The following CCSER1 variants were observed in gnomAD, a reference collection of about 807,000 sequenced individuals.
The protein encoded by CCSER1 is serine-rich coiled-coil domain-containing protein 1.
CCSER1 carries 41 observed loss-of-function variants against 82.0 expected under a neutral mutation model. The observed-to-expected ratio is 0.50, with a 90% CI of 0.39 to 0.65. The LOEUF (loss-of-function observed/expected upper bound fraction) is 0.65. Ranked by LOEUF, CCSER1 falls within the 30% of genes least tolerant of loss-of-function variation. CCSER1 has a pLI of 0.00. For synonymous variants in CCSER1, 414 were observed against 383.9 expected (o/e 1.08, Z -0.92); for missense variants, 1,119 against 1,064.2 (o/e 1.05, Z -0.72).
chr4:91,018,066 T>G (rs2150519171), intron 9 of CCSER1, among the ~76,000 whole-genome samples: 1 of 152,232 alleles, frequency 6.6e-6, no homozygotes, highest in South Asian at 2.1e-4. Flanking sequence ...TCCAGTATAT[T>G]AAACATATAG....
At chr4:90,768,705 A>G (rs1456102447) in intron 7 of CCSER1, among the ~76,000 whole-genome samples, 1 of 152,224 alleles carries the variant, frequency 6.6e-6, no homozygotes, top group East Asian at 1.9e-4. Flanking sequence ...GTTATATAGT[A>G]TCAGAAAGTT....
chr4:90,655,775 TG>T (rs776292437), intron 6 of CCSER1, among the ~76,000 whole-genome samples: 46 of 151,954 alleles, frequency 3.0e-4, no homozygotes, highest in African/African-American at 1.0e-3. Flanking sequence ...TAAATGAAAA[TG>T]GAGAATAGAA....
intron 6 of CCSER1, among the ~76,000 whole-genome samples, chr4:90,693,850 A>G (rs191081463): frequency 1.6e-3 from 241 of 151,852 alleles, no homozygotes; most frequent in African/African-American, 5.5e-3. Flanking sequence ...ATTTTGCACA[A>G]TGCTATGAGG....
chr4:91,247,468 G>GA (rs997531891), intron 10 of CCSER1, among the ~76,000 whole-genome samples: 8 of 152,182 alleles, frequency 5.3e-5, no homozygotes, highest in Non-Finnish European at 1.0e-4. Context: ...TGGGTTATTA[G>GA]ACACACATAT....
At chr4:91,579,058 T>C (rs1326284179) in intron 10 of CCSER1, among the ~76,000 whole-genome samples, 1 of 151,750 alleles carries the variant, frequency 6.6e-6, no homozygotes, top group Non-Finnish European at 1.5e-5. Context: ...ACACCATCCT[T>C]GCATCGTCCT....
At chr4:90,503,057 A>G (rs1770149449) in intron 5 of CCSER1, among the ~76,000 whole-genome samples, 2 of 152,214 alleles carry the variant, frequency 1.3e-5, no homozygotes, top group Non-Finnish European at 2.9e-5. Context: ...TGGAGGGAAA[A>G]AGAATAAATA....
At chr4:90,731,288 T>TA (rs1458798715) in intron 7 of CCSER1, among the ~76,000 whole-genome samples, 7 of 152,342 alleles carry the variant, frequency 4.6e-5, no homozygotes, top group Admixed American at 2.0e-4. Context: ...GATAGCATGA[T>TA]ACGGAGATTA....
chr4:90,857,116 T>G (rs535290709), intron 8 of CCSER1, among the ~76,000 whole-genome samples: 2 of 152,180 alleles, frequency 1.3e-5, no homozygotes, highest in East Asian at 3.9e-4. Flanking sequence ...TGATAGATTA[T>G]CCTAAATTAC....
intron 10 of CCSER1, among the ~76,000 whole-genome samples, chr4:91,235,552 T>G (rs559724182): frequency 6.6e-6 from 1 of 152,320 alleles, no homozygotes; most frequent in African/African-American, 2.4e-5. Context: ...TCTATCTTCA[T>G]GATATATTAG....
At chr4:90,275,872 A>G (rs1226966339) in intron 1 of CCSER1, among the ~76,000 whole-genome samples, 1 of 152,188 alleles carries the variant, frequency 6.6e-6, no homozygotes, top group Non-Finnish European at 1.5e-5. Flanking sequence ...AATTCAGCAA[A>G]AGTGTTAATG....
At chr4:91,345,879 T>G (rs1160169656) in intron 10 of CCSER1, among the ~76,000 whole-genome samples, 1 of 152,190 alleles carries the variant, frequency 6.6e-6, no homozygotes, top group Non-Finnish European at 1.5e-5. Flanking sequence ...ACCACTGATC[T>G]TTTTACTGTG....
At chr4:90,552,333 CAT>C (rs2153641791) in intron 5 of CCSER1, among the ~76,000 whole-genome samples, 1 of 152,212 alleles carries the variant, frequency 6.6e-6, no homozygotes, top group East Asian at 1.9e-4. Flanking sequence ...ATACTAGACT[CAT>C]ATTCCAACAC....
intron 5 of CCSER1, among the ~76,000 whole-genome samples, chr4:90,526,744 G>A (rs1372569769): frequency 6.6e-6 from 1 of 152,110 alleles, no homozygotes; most frequent in Non-Finnish European, 1.5e-5. Flanking sequence ...GTGTATATGT[G>A]CCACATTTTC....
intron 10 of CCSER1, among the ~76,000 whole-genome samples, chr4:91,594,420 T>C (rs1395929450): frequency 6.1e-5 from 9 of 147,438 alleles, no homozygotes; most frequent in South Asian, 2.1e-4. Context: ...CACATATATA[T>C]ACATATATAC....
At chr4:91,181,428 G>T (rs979938708) in intron 10 of CCSER1, among the ~76,000 whole-genome samples, 1 of 152,174 alleles carries the variant, frequency 6.6e-6, no homozygotes, top group African/African-American at 2.4e-5. Flanking sequence ...TGGCATTAAG[G>T]TCAGGTGTGC....
intron 9 of CCSER1, among the ~76,000 whole-genome samples, chr4:90,992,769 T>C (rs573752216): frequency 6.6e-6 from 1 of 152,052 alleles, no homozygotes; most frequent in African/African-American, 2.4e-5. Context: ...TACATAGGGT[T>C]CCCTAGTATG....
chr4:90,669,682 G>C (rs1262021237), intron 6 of CCSER1, among the ~76,000 whole-genome samples: 4 of 152,040 alleles, frequency 2.6e-5, no homozygotes, highest in Non-Finnish European at 5.9e-5. Context: ...AGGTTGGTGT[G>C]AATGAATCAT....
At chr4:90,812,718 C>T (rs998722304) in intron 7 of CCSER1, among the ~76,000 whole-genome samples, 40 of 152,146 alleles carry the variant, frequency 2.6e-4, no homozygotes, top group African/African-American at 9.4e-4. Context: ...CTGGAGAGGC[C>T]TAAGGAAACT....
At chr4:90,702,921 C>A (rs924744565) in intron 6 of CCSER1, among the ~76,000 whole-genome samples, 34 of 152,212 alleles carry the variant, frequency 2.2e-4, no homozygotes, top group African/African-American at 7.7e-4. Flanking sequence ...TTCAAAAAAC[C>A]AGCTCCTGGA....
Sources: allele counts gnomAD v4.1 joint callset (sites outside exome capture counted in the v4.1 genomes callset), GRCh38; gene constraint gnomAD v4.1.1; transcripts MANE v1.5; gene names NCBI Gene and HGNC (gene_info 2026-07-23, HGNC 2026-07-21).